The following PPP1R12A variants were observed in gnomAD, a reference collection of about 807,000 sequenced individuals.
The protein encoded by PPP1R12A is myosin binding subunit.
PPP1R12A carries 19 observed loss-of-function variants against 139.6 expected under a neutral mutation model. The ratio of observed to expected loss-of-function variants is 0.14; its 90% CI spans 0.09 to 0.20. PPP1R12A has a LOEUF of 0.20. Ranked by LOEUF, PPP1R12A falls within the 10% of genes least tolerant of loss-of-function variation. PPP1R12A has a pLI of 1.00. For synonymous variants in PPP1R12A, 427 were observed against 420.6 expected (o/e 1.02, Z -0.19); for missense variants, 925 against 1,211.5 (o/e 0.76, Z 3.51).
At chr12:79,880,737 G>A (rs191014403) in intron 1 of PPP1R12A, among the ~76,000 whole-genome samples, 3 of 152,196 alleles carry the variant, frequency 2.0e-5, no homozygotes, top group Non-Finnish European at 4.4e-5. Context: ...AACAACCACC[G>A]ATATCGGCAT....
At chr12:79,803,253 G>GAGAA (rs1873413747) in intron 14 of PPP1R12A, among the ~76,000 whole-genome samples, 1 of 151,852 alleles carries the variant, frequency 6.6e-6, no homozygotes, top group East Asian at 1.9e-4. Flanking sequence ...TCCTCCTTTG[G>GAGAA]GGTACCTATC....
chr12:79,824,935 T>C (rs1032490342), intron 5 of PPP1R12A: 8 of 152,168 alleles, frequency 5.3e-5, no homozygotes, highest in African/African-American at 1.9e-4. Context: ...TAAGTCTAAC[T>C]TCATAGTTTC....
intron 2 of PPP1R12A, among the ~76,000 whole-genome samples, chr12:79,865,919 A>G (rs1325064562): frequency 1.3e-5 from 2 of 152,106 alleles, no homozygotes; most frequent in African/African-American, 2.4e-5. Context: ...ATTCAATGCT[A>G]CCCCCATCAA....
intron 2 of PPP1R12A, among the ~76,000 whole-genome samples, chr12:79,866,764 A>G (rs190072027): frequency 7.9e-4 from 121 of 152,324 alleles, no homozygotes; most frequent in Non-Finnish European, 1.5e-3. Context: ...CAAAACCACA[A>G]TGAGATACCA....
At chr12:79,907,780 C>T (rs1217814961) in intron 1 of PPP1R12A, among the ~76,000 whole-genome samples, 1 of 152,086 alleles carries the variant, frequency 6.6e-6, no homozygotes, top group Non-Finnish European at 1.5e-5. Context: ...TGCCAGTAGT[C>T]CCAGCTACTC....
Position 79,845,545 on chromosome 12 carries a change from AT to A in PPP1R12A, c.369-126del, listed in dbSNP as rs1879272247. 4 of 678,984 alleles carry A rather than the reference AT, an allele frequency of 5.9e-6. No homozygotes were observed. In the East Asian group the frequency reaches 1.2e-4, roughly 20 times the overall value. 42.1% of individuals were successfully genotyped at this position (678,984 alleles called of 1,614,324 possible). A position where few individuals can be genotyped will look rare whatever the true frequency, so the allele number is the denominator to read the frequency against. On this transcript the variant is annotated intron_variant, in intron 2 of 24. Transcript: ENST00000450142. ...AAAGGGCAGTATATACATTATTTAA[AT>A]TTTAAAAAACTATCAGGCCAGGCGC... is the stretch of plus-strand genomic sequence containing the variant.
intron 2 of PPP1R12A, among the ~76,000 whole-genome samples, chr12:79,867,592 A>C (rs987892146): frequency 3.9e-5 from 6 of 152,032 alleles, no homozygotes; most frequent in Non-Finnish European, 7.3e-5. Flanking sequence ...TTAAAAAGCC[A>C]GTACATAAGG....
At chr12:79,867,006 A>G (rs933337565) in intron 2 of PPP1R12A, among the ~76,000 whole-genome samples, 1 of 152,202 alleles carries the variant, frequency 6.6e-6, no homozygotes, top group Non-Finnish European at 1.5e-5. Context: ...CCTGCAATAA[A>G]GACACAGGTA....
chr12:79,933,177 A>G (rs1187690939), intron 1 of PPP1R12A, among the ~76,000 whole-genome samples: 1 of 152,264 alleles, frequency 6.6e-6, no homozygotes, highest in East Asian at 1.9e-4. Flanking sequence ...GAAATTGAGA[A>G]AGCGCTAGAC....
intron 1 of PPP1R12A, among the ~76,000 whole-genome samples, chr12:79,888,425 A>T (rs1471255537): frequency 1.3e-5 from 2 of 152,154 alleles, no homozygotes; most frequent in African/African-American, 4.8e-5. Context: ...CATGTGTAAA[A>T]AGTGATCAGA....
At chr12:79,781,753 C>G (rs1332024778) in intron 23 of PPP1R12A, 62 bp downstream of exon 23, 1 of 979,496 alleles carries the variant, frequency 1.0e-6, no homozygotes, top group African/African-American at 1.7e-5. Context: ...AACAAAAAAC[C>G]TACCATTGTT....
At chr12:79,870,591 C>T (rs1431387909) in intron 2 of PPP1R12A, among the ~76,000 whole-genome samples, 1 of 152,136 alleles carries the variant, frequency 6.6e-6, no homozygotes, top group South Asian at 2.1e-4. Flanking sequence ...TAATCTGGTT[C>T]AAGGAAACTC....
At chr12:79,877,365 A>C (rs1883209355) in intron 1 of PPP1R12A, among the ~76,000 whole-genome samples, 1 of 152,210 alleles carries the variant, frequency 6.6e-6, no homozygotes, top group South Asian at 2.1e-4. Context: ...GGCAGTGGTT[A>C]AAAGAAAGAG....
chr12:79,820,716 T>C, intron 8 of PPP1R12A, 58 bp downstream of exon 8: 1 of 1,569,458 alleles, frequency 6.4e-7, no homozygotes, highest in Non-Finnish European at 8.7e-7. Context: ...CGTCTCATCT[T>C]GTCTTATTTT....
At chr12:79,857,636 T>A (rs1222769573) in intron 2 of PPP1R12A, among the ~76,000 whole-genome samples, 1 of 152,130 alleles carries the variant, frequency 6.6e-6, no homozygotes, top group East Asian at 1.9e-4. Flanking sequence ...TCCTCCAGAA[T>A]CTTTCTTTAA....
In PPP1R12A at chr12:79,795,740, C is replaced by G. The variant is rs1256851911; in HGVS notation, c.2481G>C (p.Glu827Asp). 1 of 1,610,920 alleles carries G rather than the reference C, an allele frequency of 6.2e-7. No homozygotes were observed. The highest frequency in any genetic ancestry group is 8.5e-7 in the Non-Finnish European group (1 of 1,178,192). Residue 827 changes from glutamate (E) to aspartate (D), a missense_variant, in exon 18 of 25, where the codon GAG becomes GAC. Transcript: ENST00000450142. The part of the protein sequence containing the change: ...ENEREGEKRE[E>D]EKEGEDKSQP... Reference sequence around the variant, plus strand: ...GTGATTTATCTTCTCCTTCTTTCTCCTCTTCTCTTTTTTCTCCCTCTGTTA... The same window carrying G: ...GTGATTTATCTTCTCCTTCTTTCTCGTCTTCTCTTTTTTCTCCCTCTGTTA...
chr12:79,863,644 CAAAAAAAAAAAAA>C (rs61530316), intron 2 of PPP1R12A, among the ~76,000 whole-genome samples: 14 of 55,334 alleles, frequency 2.5e-4, no homozygotes, highest in Admixed American at 1.1e-3. Flanking sequence ...AAATTGAAAG[CAAAAAAAAAAAAA>C]AAAAAAAAAA....
chr12:79,855,729 C>G (rs1398103712), intron 2 of PPP1R12A, among the ~76,000 whole-genome samples: 7 of 151,786 alleles, frequency 4.6e-5, no homozygotes, highest in Admixed American at 2.6e-4. Flanking sequence ...CACACATTTA[C>G]AGTTAAGTGA....
intron 14 of PPP1R12A, among the ~76,000 whole-genome samples, chr12:79,802,044 TA>T (rs1873247468): frequency 6.6e-6 from 1 of 152,182 alleles, no homozygotes; most frequent in African/African-American, 2.4e-5. Context: ...AATAAGAGAA[TA>T]ACTAATAATC....
Sources: allele counts gnomAD v4.1 joint callset (sites outside exome capture counted in the v4.1 genomes callset), GRCh38; gene constraint gnomAD v4.1.1; transcripts MANE v1.5; gene names NCBI Gene and HGNC (gene_info 2026-07-23, HGNC 2026-07-21).